Variants in CNTNAP3B observed in about 807,000 individuals in gnomAD.
The protein encoded by CNTNAP3B is contactin-associated protein-like 3B.
CNTNAP3B carries 25 observed loss-of-function variants against 108.9 expected under a neutral mutation model. The ratio of observed to expected loss-of-function variants is 0.23; its 90% confidence interval spans 0.17 to 0.32. CNTNAP3B has a LOEUF of 0.32. CNTNAP3B is among the 10% of genes least tolerant of loss of function. CNTNAP3B has a pLI of 1.00. For missense variants in CNTNAP3B, 252 were observed against 1,210.4 expected (o/e 0.21, Z 11.75); for synonymous variants, 103 against 473.4 (o/e 0.22, Z 10.16).
rs1402073206 is a variant in CNTNAP3B at position 41,968,407 on chromosome 9, T to A, written c.1649+1667A>T. ...CCTTCCCAACTACCCTTCCCACGAC[T>A]ACAGAGTGTGGTTCTGGAGCTGGTG... On this transcript the variant is annotated intron_variant, in intron 10 of 23. Transcript: ENST00000377561. 1.3e-4 allele frequency among the ~76,000 whole-genome samples: 18 copies of A among 139,912 alleles called. 2 individuals are homozygous for A. The highest frequency in any genetic ancestry group is 7.1e-4 in the Admixed American group (10 of 14,118). The allele number at this position is 139,912 out of a possible 152,430, so 91.8% of individuals were successfully genotyped here. A position where few individuals can be genotyped will look rare whatever the true frequency, so the allele number is the denominator to read the frequency against.
chr9:42,030,809 GAGAGGA>G (rs1444662754), intron 3 of CNTNAP3B, among the ~76,000 whole-genome samples: 29 of 80,676 alleles, frequency 3.6e-4, no homozygotes, highest in African/African-American at 1.4e-3. Context: ...GAGAGAGAGA[GAGAGGA>G]GAGAGAGAGA....
intron 12 of CNTNAP3B, among the ~76,000 whole-genome samples, chr9:41,956,436 AT>A (rs1245075594): frequency 1.3e-5 from 2 of 152,266 alleles, no homozygotes; most frequent in Non-Finnish European, 2.9e-5. Context: ...TGAAATAGGG[AT>A]GCATATGGTT....
rs926882580 is a variant in CNTNAP3B at position 41,953,063 on chromosome 9, G to A, written c.2080+120C>T. ...CGGGAAGAGAAGGAGAGAGCGGTCA[G>A]GGCTTTGAACTAAGAGCCACGGGAG... On this transcript the variant is annotated intron_variant, in intron 13 of 23. Transcript: ENST00000377561. The A allele has an allele frequency of 1.6e-4, 187 of 1,200,886 alleles. 1 individual carries two copies. Among genetic ancestry groups the A allele is most frequent in the Non-Finnish European group, 1.9e-4 (175 of 907,008 alleles). 74.4% of individuals were successfully genotyped at this position (1,200,886 alleles called of 1,614,324 possible). A position where few individuals can be genotyped will look rare whatever the true frequency, so the allele number is the denominator to read the frequency against.
chr9:42,030,756 GA>G (rs2118477922), intron 3 of CNTNAP3B, among the ~76,000 whole-genome samples: 1 of 105,960 alleles, frequency 9.4e-6, no homozygotes, highest in South Asian at 3.3e-4. Context: ...GATACAGAGA[GA>G]GAGAGAGAGA....
rs1226476358 is a variant in CNTNAP3B, at chr9:42,000,130, GC to G, written c.539-1527del. ...GTATCTGAAATACATATAGTAAACT[GC>G]ACTTCAAAAGTTCTCCATTTTATGT... On this transcript the variant is annotated intron_variant, in intron 4 of 23. Coordinates refer to ENST00000377561, the MANE Select transcript of CNTNAP3B (RefSeq NM_001201380.3). Among the ~76,000 whole-genome samples the G allele has an allele frequency of 3.0e-5, 4 of 134,772 alleles. 1 individual carries two copies. Among genetic ancestry groups the G allele is most frequent in the African/African-American group, 1.2e-4 (4 of 33,378 alleles). 88.4% of individuals were successfully genotyped at this position (134,772 alleles called of 152,430 possible).
intron 15 of CNTNAP3B, among the ~76,000 whole-genome samples, chr9:41,926,977 A>G (rs1823838197): frequency 6.6e-6 from 1 of 152,308 alleles, no homozygotes; most frequent in African/African-American, 2.4e-5. Flanking sequence ...AAAGCTACAA[A>G]TTTCCAGGGG....
intron 3 of CNTNAP3B, among the ~76,000 whole-genome samples, chr9:42,044,663 T>G (rs577206576): frequency 1.2e-4 from 18 of 147,800 alleles, no homozygotes; most frequent in Admixed American, 4.7e-4. Flanking sequence ...GGTGAATGGG[T>G]GAACCACACA....
chr9:42,056,343 TA>T (rs1198262449), intron 3 of CNTNAP3B, among the ~76,000 whole-genome samples: 1 of 138,708 alleles, frequency 7.2e-6, no homozygotes, highest in Non-Finnish European at 1.5e-5. Context: ...TTATTATTAT[TA>T]TTATTATTAT....
chr9:41,932,719 C>T (rs1490669459), intron 14 of CNTNAP3B, among the ~76,000 whole-genome samples: 1 of 151,900 alleles, frequency 6.6e-6, no homozygotes, highest in Non-Finnish European at 1.5e-5. Flanking sequence ...GGGGTTTCAC[C>T]ATGTTGGTCA....
chr9:42,066,401 TA>T (rs1269474516), intron 3 of CNTNAP3B, among the ~76,000 whole-genome samples: 6 of 104,086 alleles, frequency 5.8e-5, no homozygotes, highest in Non-Finnish European at 1.2e-4. Context: ...AAAAAAGTAT[TA>T]AAAAATGTGA....
intron 14 of CNTNAP3B, among the ~76,000 whole-genome samples, chr9:41,930,660 C>G (rs904500975): frequency 6.6e-6 from 1 of 152,300 alleles, no homozygotes; most frequent in Non-Finnish European, 1.5e-5. Flanking sequence ...TCTCTGCCTT[C>G]TGAAAGCACA....
chr9:42,021,953 C>T (rs1382936780), intron 3 of CNTNAP3B, among the ~76,000 whole-genome samples: 1 of 121,238 alleles, frequency 8.2e-6, no homozygotes, highest in African/African-American at 3.5e-5. Flanking sequence ...TGCCCTTAAT[C>T]ATTCCTGGGC....
intron 2 of CNTNAP3B, among the ~76,000 whole-genome samples, chr9:42,094,047 C>T (rs1407710858): frequency 1.5e-5 from 2 of 135,778 alleles, no homozygotes; most frequent in African/African-American, 5.9e-5. Flanking sequence ...CAAAGTCACA[C>T]AGCTAGTAAG....
intron 13 of CNTNAP3B, among the ~76,000 whole-genome samples, chr9:41,945,256 C>A (rs1244333005): frequency 1.3e-5 from 2 of 152,412 alleles, no homozygotes; most frequent in East Asian, 3.9e-4. Context: ...CCCAGCCATC[C>A]CATTACTGGG....
intron 13 of CNTNAP3B, among the ~76,000 whole-genome samples, chr9:41,944,601 A>C (rs1159289958): frequency 2.0e-5 from 3 of 152,134 alleles, no homozygotes; most frequent in Non-Finnish European, 4.4e-5. Context: ...ATTAAAACAA[A>C]AAATGTGAGA....
chr9:42,026,571 G>T (rs1426006938), intron 3 of CNTNAP3B, among the ~76,000 whole-genome samples: 1 of 91,200 alleles, frequency 1.1e-5, no homozygotes, highest in African/African-American at 4.3e-5. Flanking sequence ...CAGCCCGGGC[G>T]ACAGAGTGAG....
chr9:42,111,052 G>T lies in CNTNAP3B; in HGVS notation c.86-6313C>A, dbSNP rs1185762053. Among the ~76,000 whole-genome samples the T allele has an allele frequency of 1.4e-5, 2 of 138,108 alleles. 1 individual carries two copies. The highest frequency in any genetic ancestry group is 5.8e-5 in the African/African-American group (2 of 34,648). 90.6% of individuals were successfully genotyped at this position (138,108 alleles called of 152,430 possible). ...GTCTTCCCTACATCTCACTCCATGG[G>T]GTCTGAAGGGGGCTCACCCTACCAC... is the stretch of plus-strand genomic sequence containing the variant. On this transcript the variant is annotated intron_variant, in intron 1 of 23. Coordinates refer to ENST00000377561, the MANE Select transcript of CNTNAP3B (RefSeq NM_001201380.3).
At chr9:42,042,147 G>T (rs1445008238) in intron 3 of CNTNAP3B, among the ~76,000 whole-genome samples, 4 of 140,238 alleles carry the variant, frequency 2.9e-5, no homozygotes, top group African/African-American at 1.1e-4. Flanking sequence ...GGAGTTAATG[G>T]GTGCAGCACA....
At chr9:41,977,663 G>T (rs1297868438) in intron 9 of CNTNAP3B, among the ~76,000 whole-genome samples, 1 of 131,304 alleles carries the variant, frequency 7.6e-6, no homozygotes, top group Non-Finnish European at 1.6e-5. Context: ...TGTCACCCAG[G>T]CTGGAGTGCA....
Sources: allele counts gnomAD v4.1 joint callset (sites outside exome capture counted in the v4.1 genomes callset), GRCh38; gene constraint gnomAD v4.1.1; transcripts MANE v1.5; gene names NCBI Gene and HGNC (gene_info 2026-07-23, HGNC 2026-07-21).